Variants in RUNX1 observed in about 807,000 individuals in gnomAD.
The protein encoded by RUNX1 is runt-related transcription factor 1.
In RUNX1, 19 loss-of-function variants were observed where a neutral mutation model predicts 42.8. The ratio of observed to expected loss-of-function variants is 0.44; its 90% CI spans 0.31 to 0.65. The LOEUF is 0.65. RUNX1 is among the 30% of genes least tolerant of loss of function. The pLI, the probability that RUNX1 is intolerant of heterozygous loss-of-function variation, is 0.07. For synonymous variants in RUNX1, 271 were observed against 289.4 expected, an observed-to-expected ratio of 0.94 and a Z score of 0.64; for missense variants, 528 against 672.0, an observed-to-expected ratio of 0.79 and a Z score of 2.37.
At chr21:34,882,436 C>A (rs2057918941) in intron 4 of RUNX1, among the ~76,000 whole-genome samples, 1 of 152,210 alleles carries the variant, frequency 6.6e-6, no homozygotes. Flanking sequence ...ATCCAACTTG[C>A]ACTGCCAAAC....
chr21:34,846,285 G>A (rs1049625553), intron 6 of RUNX1, among the ~76,000 whole-genome samples: 6 of 146,226 alleles, frequency 4.1e-5, no homozygotes, highest in African/African-American at 1.3e-4. Context: ...TCACTCTGGC[G>A]TGGACCTTCA....
intron 7 of RUNX1, among the ~76,000 whole-genome samples, chr21:34,830,187 G>A (rs1003291988): frequency 6.6e-6 from 1 of 152,220 alleles, no homozygotes; most frequent in African/African-American, 2.4e-5. Flanking sequence ...AAGTGGATTA[G>A]ATGTTGACTG....
chr21:34,866,807 A>G (rs982994551), intron 5 of RUNX1, among the ~76,000 whole-genome samples: 2 of 152,222 alleles, frequency 1.3e-5, no homozygotes, highest in Non-Finnish European at 2.9e-5. Flanking sequence ...GCTTGATCCA[A>G]TCGCACTCAC....
At chr21:34,927,715 T>G (rs917123229) in intron 2 of RUNX1, among the ~76,000 whole-genome samples, 3 of 152,212 alleles carry the variant, frequency 2.0e-5, no homozygotes, top group Non-Finnish European at 2.9e-5. Context: ...ACTGTTAGTA[T>G]AGACAGAGGG....
chr21:34,918,697 C>T (rs1461211575), intron 2 of RUNX1, among the ~76,000 whole-genome samples: 1 of 152,170 alleles, frequency 6.6e-6, no homozygotes, highest in Non-Finnish European at 1.5e-5. Context: ...ATCACAAGGT[C>T]AAGAGATCGA....
At chr21:34,798,404 G>A (rs1277970567) in intron 8 of RUNX1, among the ~76,000 whole-genome samples, 3 of 152,166 alleles carry the variant, frequency 2.0e-5, no homozygotes, top group Admixed American at 2.0e-4. Context: ...CAAGCCCAAA[G>A]GGCTCATAGG....
At chr21:35,030,224 T>G (rs533576212) in intron 2 of RUNX1, among the ~76,000 whole-genome samples, 1 of 152,184 alleles carries the variant, frequency 6.6e-6, no homozygotes, top group East Asian at 1.9e-4. Flanking sequence ...GCACCTGTAA[T>G]CCCAGCCACT....
intron 2 of RUNX1, among the ~76,000 whole-genome samples, chr21:34,914,468 C>A (rs1333109580): frequency 6.6e-6 from 1 of 152,122 alleles, no homozygotes; most frequent in Non-Finnish European, 1.5e-5. Flanking sequence ...TATTTCAACA[C>A]CTACTGTACC....
intron 2 of RUNX1, among the ~76,000 whole-genome samples, chr21:34,998,351 A>T (rs2059012370): frequency 6.6e-6 from 1 of 151,924 alleles, no homozygotes; most frequent in Non-Finnish European, 1.5e-5. Flanking sequence ...TCCAGAGACC[A>T]CCGTGTGACT....
chr21:34,866,141 C>T (rs750743405), intron 5 of RUNX1, among the ~76,000 whole-genome samples: 12 of 152,142 alleles, frequency 7.9e-5, no homozygotes, highest in Non-Finnish European at 1.6e-4. Context: ...GTGAAACTTG[C>T]CCTTTGTCAC....
chr21:34,993,526 C>CAT, intron 2 of RUNX1, among the ~76,000 whole-genome samples: 1 of 143,074 alleles, frequency 7.0e-6, no homozygotes, highest in South Asian at 2.3e-4. Context: ...CACACACACA[C>CAT]ATACATACAG....
At position 34,907,108 on chromosome 21, in the gene RUNX1, G is replaced by A. The variant is rs1327807144; in HGVS notation, c.59-14145C>T. ...ATTCAAAGTCAGCCAGGAGGGTCAT[G>A]TGCCCCCTTCAGTGAAAACCTTGAC... On this transcript the variant is annotated intron_variant, in intron 2 of 8. Coordinates refer to ENST00000675419, the MANE Select transcript of RUNX1 (RefSeq NM_001754.5). The surrounding 1 kb of genome is among the most constrained non-coding windows in gnomAD (Gnocchi z 5.3). Among the ~76,000 whole-genome samples, 5 of 152,156 alleles carry A rather than the reference G, an allele frequency of 3.3e-5. No homozygotes were observed. The highest frequency in any genetic ancestry group is 6.6e-5 in the Admixed American group (1 of 15,258).
Position 34,792,304 on chromosome 21 carries a change from G to GGGGC in RUNX1, c.1273_1274insGCCC (p.Pro425ArgfsTer176). On this transcript the variant is annotated frameshift_variant, in exon 9 of 9. Transcript: ENST00000675419. LOFTEE classifies it high-confidence loss of function. The surrounding 1 kb of genome is among the most constrained non-coding windows in gnomAD (Gnocchi z 6.9). Reference sequence around the variant, plus strand: ...GGTGCAGGGCGGCAGGATGCGCGGCGGCGAGCGCTCGCCGCCCACCATGGA... The same window carrying GGGGC: ...GGTGCAGGGCGGCAGGATGCGCGGCGGGGCGCGAGCGCTCGCCGCCCACCATGGA... The GGGGC allele has an allele frequency of 3.2e-6, 5 of 1,543,640 alleles. No individual in the cohort carries two copies. Among genetic ancestry groups the GGGGC allele is most frequent in the Non-Finnish European group, 2.6e-6 (3 of 1,146,200 alleles).
chr21:34,957,451 T>C (rs1202389626), intron 2 of RUNX1, among the ~76,000 whole-genome samples: 1 of 152,134 alleles, frequency 6.6e-6, no homozygotes, highest in Non-Finnish European at 1.5e-5. Context: ...GCTAACGAGG[T>C]GGCCCCCTGA....
chr21:34,969,765 C>CAAAAAA (rs150978735), intron 2 of RUNX1, among the ~76,000 whole-genome samples: 1,734 of 124,406 alleles, frequency 0.014, 31 homozygotes, highest in African/African-American at 0.05. Flanking sequence ...TCAGTTAAAG[C>CAAAAAA]AAAAAAAAAA....
intron 4 of RUNX1, among the ~76,000 whole-genome samples, chr21:34,884,915 T>C (rs1281467700): frequency 6.6e-6 from 1 of 152,208 alleles, no homozygotes; most frequent in Non-Finnish European, 1.5e-5. Context: ...TTTAAGTGAA[T>C]TGCCAAAAGT....
chr21:34,942,144 C>T (rs144753134), intron 2 of RUNX1, among the ~76,000 whole-genome samples: 2 of 152,058 alleles, frequency 1.3e-5, no homozygotes, highest in Admixed American at 6.5e-5. Context: ...AATCATTCCC[C>T]GAGGTTCCGC....
At chr21:35,038,911 A>C in intron 2 of RUNX1, 1 of 350,918 alleles carries the variant, frequency 2.8e-6, no homozygotes, top group Non-Finnish European at 5.7e-6. Flanking sequence ...CCCTCATCAA[A>C]ACCAACCTGG....
intron 2 of RUNX1, among the ~76,000 whole-genome samples, chr21:34,960,430 G>A (rs564797783): frequency 6.6e-6 from 1 of 152,324 alleles, no homozygotes; most frequent in African/African-American, 2.4e-5. Context: ...GGAGATGGAA[G>A]AGCCATGGAT....
Sources: gnomAD v4.1 joint callset for allele counts (sites outside exome capture counted in the v4.1 genomes callset) on GRCh38, gnomAD v4.1.1 for gene constraint, Gnocchi (gnomAD v3.1) non-coding constraint, MANE v1.5 for transcripts, NCBI Gene and HGNC (gene_info 2026-07-23, HGNC 2026-07-21) for gene names.